ME2: variants seen among roughly 807,000 people sequenced by gnomAD.
ME2 encodes NAD-dependent malic enzyme, mitochondrial.
ME2 carries 60 observed loss-of-function variants against 73.7 expected under a neutral mutation model. The ratio of observed to expected loss-of-function variants is 0.81; its 90% CI spans 0.66 to 1.01. ME2 has a LOEUF of 1.01. ME2 is among the 50% of genes least tolerant of loss of function. ME2 has a pLI of 0.00. For synonymous variants in ME2, 199 were observed against 236.9 expected, an observed-to-expected ratio of 0.84 and a Z score of 1.47; for missense variants, 594 against 705.5, an observed-to-expected ratio of 0.84 and a Z score of 1.79.
At chr18:50,937,733 T>A (rs1429217227) in intron 13 of ME2, among the ~76,000 whole-genome samples, 1 of 151,980 alleles carries the variant, frequency 6.6e-6, no homozygotes, top group Non-Finnish European at 1.5e-5. Context: ...TAAAGTTTGA[T>A]AGCAGAAAGA....
rs11295987 is a variant in ME2 at position 50,948,541 on chromosome 18, C to CTTTTTTTTTTTTTTTTTTTTTTTTTTT, written c.*1378_*1379insTTTTTTTTTTTTTTTTTTTTTTTTTTT. The stretch of plus-strand genomic sequence containing the variant: ...TTCTGCCTATGAATACAAATTGATT[C>CTTTTTTTTTTTTTTTTTTTTTTTTTTT]TTTTTTTTTTTTTTTTTTTTTGAGA... On this transcript the variant is annotated 3_prime_UTR_variant, in exon 16 of 16. Coordinates refer to ENST00000321341, the MANE Select transcript of ME2 (RefSeq NM_002396.5). 1 of 112,856 alleles carries CTTTTTTTTTTTTTTTTTTTTTTTTTTT rather than the reference C, an allele frequency of 8.9e-6. No individual in the cohort carries two copies. The highest frequency in any genetic ancestry group is 1.8e-5 in the Non-Finnish European group (1 of 55,272). 7.0% of individuals were successfully genotyped at this position (112,856 alleles called of 1,614,324 possible).
At position 50,948,019 on chromosome 18, in the gene ME2, G is replaced by A. The variant is rs374715148; in HGVS notation, c.*835G>A. ...ATACCTAATCATATGGGAACATCAC[G>A]TGACTTTTTAAATCTAAATTAGTCA... On this transcript the variant is annotated 3_prime_UTR_variant, in exon 16 of 16. Transcript: ENST00000321341. 9 of 152,138 alleles carry A rather than the reference G, an allele frequency of 5.9e-5. No homozygotes were observed. The East Asian group carries it at 7.7e-4, about 13-fold the overall frequency. 9.4% of individuals were successfully genotyped at this position (152,138 alleles called of 1,614,324 possible). A position where few individuals can be genotyped will look rare whatever the true frequency, so the allele number is the denominator to read the frequency against.
At chr18:50,939,264 GT>G in intron 13 of ME2, 23 of 226,210 alleles carry the variant, frequency 1.0e-4, no homozygotes, top group Admixed American at 2.2e-4. Flanking sequence ...GAAGTGGAGT[GT>G]TAGAGGTGGG....
chr18:50,928,069 C>T (rs994822201), intron 12 of ME2, among the ~76,000 whole-genome samples: 1 of 151,846 alleles, frequency 6.6e-6, no homozygotes, highest in Non-Finnish European at 1.5e-5. Flanking sequence ...TCCCCTGCCT[C>T]AGCCTCCCAA....
intron 12 of ME2, 134 bp downstream of exon 12, chr18:50,926,032 T>C (rs1917543814): frequency 3.3e-6 from 2 of 603,742 alleles, no homozygotes; most frequent in African/African-American, 1.8e-5. Context: ...CAAAGTCTGA[T>C]ATTAATTATT....
chr18:50,887,217 T>C (rs1916493829), intron 1 of ME2, among the ~76,000 whole-genome samples: 1 of 152,134 alleles, frequency 6.6e-6, no homozygotes, highest in African/African-American at 2.4e-5. Flanking sequence ...CATGTTGAAA[T>C]CTCCCTTTCT....
At chr18:50,898,303 T>C (rs1916801098) in intron 2 of ME2, among the ~76,000 whole-genome samples, 1 of 152,248 alleles carries the variant, frequency 6.6e-6, no homozygotes, top group South Asian at 2.1e-4. Context: ...TAATATAAAA[T>C]TGACAATTTT....
intron 2 of ME2, among the ~76,000 whole-genome samples, chr18:50,897,832 C>A (rs1462419238): frequency 1.3e-5 from 2 of 151,362 alleles, no homozygotes; most frequent in East Asian, 3.9e-4. Flanking sequence ...GCATGCCATC[C>A]TGGGCAAGAA....
intron 1 of ME2, among the ~76,000 whole-genome samples, chr18:50,895,608 C>T (rs1916720073): frequency 6.6e-6 from 1 of 152,158 alleles, no homozygotes; most frequent in Non-Finnish European, 1.5e-5. Context: ...GTAGGTGGTA[C>T]TTAAAGAGTA....
chr18:50,886,142 T>C (rs1314839256), intron 1 of ME2, among the ~76,000 whole-genome samples: 2 of 148,310 alleles, frequency 1.3e-5, no homozygotes, highest in Non-Finnish European at 3.0e-5. Flanking sequence ...ATATTTATAC[T>C]ATATACCCAC....
At chr18:50,906,073 CT>C (rs1374257822) in intron 2 of ME2, among the ~76,000 whole-genome samples, 1 of 152,108 alleles carries the variant, frequency 6.6e-6, no homozygotes, top group Non-Finnish European at 1.5e-5. Flanking sequence ...GGACATTATT[CT>C]CATACTTTCC....
At chr18:50,930,606 C>T (rs369091706) in intron 12 of ME2, among the ~76,000 whole-genome samples, 6 of 152,242 alleles carry the variant, frequency 3.9e-5, no homozygotes, top group Admixed American at 2.0e-4. Context: ...ACCTGGAGAA[C>T]GTGAACTGCT....
intron 4 of ME2, chr18:50,913,265 C>A (rs4527115): frequency 0.11 from 19,628 of 184,664 alleles, 1,324 homozygotes; most frequent in African/African-American, 0.2. Flanking sequence ...CCAGAATTAT[C>A]ATTAAAATTT....
intron 10 of ME2, among the ~76,000 whole-genome samples, chr18:50,923,819 T>A (rs1599112864): frequency 6.6e-6 from 1 of 152,208 alleles, no homozygotes; most frequent in Non-Finnish European, 1.5e-5. Flanking sequence ...TGTAGGCTTT[T>A]GTGCCACATT....
chr18:50,880,704 G>C (rs1002422645), intron 1 of ME2, among the ~76,000 whole-genome samples: 1 of 151,960 alleles, frequency 6.6e-6, no homozygotes. Flanking sequence ...AGGCGTTAGC[G>C]ACCGCGCCTA....
intron 7 of ME2, among the ~76,000 whole-genome samples, chr18:50,918,476 A>C (rs1009245374): frequency 2.1e-4 from 32 of 152,086 alleles, no homozygotes; most frequent in African/African-American, 7.7e-4. Flanking sequence ...TCAAACGCTT[A>C]CTGCTCAGTA....
chr18:50,917,436 G>A lies in ME2; in HGVS notation c.558G>A (p.Leu186=), dbSNP rs774055339. The A allele has an allele frequency of 6.2e-7, 1 of 1,613,700 alleles. No individual in the cohort carries two copies. The highest frequency in any genetic ancestry group is 8.5e-7 in the Non-Finnish European group (1 of 1,179,718). ...GAATTCCAGTAGGAAAACTTTGTTT[G>A]TATACAGCTTGTGCAGGAATACGGC... is the stretch of plus-strand genomic sequence containing the variant. ...GMGIPVGKLC[L]YTACAGIRPD... The change falls in exon 6 of 16, where the codon TTG becomes TTA. Residue 186 remains leucine, a synonymous_variant. Coordinates refer to ENST00000321341, the MANE Select transcript of ME2 (RefSeq NM_002396.5).
In ME2 at chr18:50,947,399, G is replaced by T; in HGVS notation, c.*215G>T. 1.9e-6 allele frequency: 1 copy of T among 531,930 alleles called. No homozygotes were observed. Among genetic ancestry groups the T allele is most frequent in the Non-Finnish European group, 3.3e-6 (1 of 299,814 alleles). The allele number at this position is 531,930 out of a possible 1,614,324, so 33.0% of individuals were successfully genotyped here. On this transcript the variant is annotated 3_prime_UTR_variant, in exon 16 of 16. Coordinates refer to ENST00000321341, the MANE Select transcript of ME2 (RefSeq NM_002396.5). ...CACCCTACAGTCAGATAGTTGTGAT[G>T]CTTTAATTCTAACATACAGCCCGTA...
rs1194021400 is a variant in ME2 at position 50,949,289 on chromosome 18, T to C, written c.*2105T>C. On this transcript the variant is annotated 3_prime_UTR_variant, in exon 16 of 16. Coordinates refer to ENST00000321341, the MANE Select transcript of ME2 (RefSeq NM_002396.5). ...TTTCATAACATACGGTCACAATTCC[T>C]TTCTTTTAATTAAAGACAAAAGGTT... is the stretch of plus-strand genomic sequence containing the variant. 1 of 152,254 alleles carries C rather than the reference T, an allele frequency of 6.6e-6. No homozygotes were observed. Among genetic ancestry groups the C allele is most frequent in the Non-Finnish European group, 1.5e-5 (1 of 68,046 alleles). The allele number at this position is 152,254 out of a possible 1,614,324, so 9.4% of individuals were successfully genotyped here. A position where few individuals can be genotyped will look rare whatever the true frequency, so the allele number is the denominator to read the frequency against.
Sources: gnomAD v4.1 joint callset for allele counts (sites outside exome capture counted in the v4.1 genomes callset) on GRCh38, gnomAD v4.1.1 for gene constraint, MANE v1.5 for transcripts, NCBI Gene and HGNC (gene_info 2026-07-23, HGNC 2026-07-21) for gene names.